Variants in ANK2 observed in about 807,000 individuals in gnomAD.
The protein encoded by ANK2 is ankyrin-2.
Under a neutral mutation model 360.5 loss-of-function variants are expected in ANK2, and 83 were observed. The ratio of observed to expected loss-of-function variants is 0.23; its 90% CI spans 0.19 to 0.28. The LOEUF is 0.28. Ranked by LOEUF, ANK2 falls within the 10% of genes least tolerant of loss-of-function variation. The pLI, the probability that ANK2 is intolerant of heterozygous loss-of-function variation, is 1.00. For synonymous variants in ANK2, 1,740 were observed against 1,759.5 expected (o/e 0.99, Z 0.28); for missense variants, 4,201 against 4,795.7 (o/e 0.88, Z 3.66).
chr4:113,064,800 TA>T (rs2075028536), intron 1 of ANK2, among the ~76,000 whole-genome samples: 1 of 92,756 alleles, frequency 1.1e-5, no homozygotes, highest in Non-Finnish European at 2.2e-5. Context: ...GAAAGTTCTG[TA>T]GAACTTCTAA....
At chr4:113,076,401 A>C (rs1038219629) in intron 1 of ANK2, among the ~76,000 whole-genome samples, 3 of 152,240 alleles carry the variant, frequency 2.0e-5, no homozygotes, top group Non-Finnish European at 2.9e-5. Context: ...GCACCAGGCT[A>C]ATACCTAAGC....
At chr4:113,006,230 C>T (rs1269285870) in intron 2 of ANK2, among the ~76,000 whole-genome samples, 1 of 152,136 alleles carries the variant, frequency 6.6e-6, no homozygotes, top group Non-Finnish European at 1.5e-5. Context: ...AACAACCTGA[C>T]TTGGTCATTA....
At chr4:113,013,147 T>C (rs72896431) in intron 2 of ANK2, among the ~76,000 whole-genome samples, 1,858 of 152,268 alleles carry the variant, frequency 0.012, 35 homozygotes, top group African/African-American at 0.042. Context: ...AGGAATCCCA[T>C]ACTTTGGAAA....
chr4:113,122,120 G>A (rs2095402987), intron 1 of ANK2, among the ~76,000 whole-genome samples: 1 of 152,062 alleles, frequency 6.6e-6, no homozygotes, highest in Non-Finnish European at 1.5e-5. Flanking sequence ...TGAGTTGAAA[G>A]TGTGTTATAA....
intron 32 of ANK2, among the ~76,000 whole-genome samples, chr4:113,341,007 T>C (rs1342433057): frequency 2.6e-5 from 4 of 152,210 alleles, no homozygotes; most frequent in African/African-American, 9.6e-5. Flanking sequence ...TGTCATAAGA[T>C]TTAGTAACGT....
At chr4:113,125,025 T>C (rs942852396) in intron 1 of ANK2, among the ~76,000 whole-genome samples, 2 of 152,138 alleles carry the variant, frequency 1.3e-5, no homozygotes, top group African/African-American at 4.8e-5. Context: ...TCTAATCAAT[T>C]TATTTGGTTA....
At chr4:112,775,538 C>CACACACACACAT in the ANK2 span, among the ~76,000 whole-genome samples, 1 of 151,626 alleles carries the variant, frequency 6.6e-6, no homozygotes, top group Admixed American at 6.6e-5. Context: ...CACACACACA[C>CACACACACACAT]ACACACAAGA....
chr4:112,788,302 G>A, the ANK2 span: 21 of 1,570,670 alleles, frequency 1.3e-5, no homozygotes, highest in Non-Finnish European at 1.6e-5. Flanking sequence ...TCTTCCTGTG[G>A]ACGAGACGTC....
intron 1 of ANK2, among the ~76,000 whole-genome samples, chr4:112,876,712 G>A (rs530644640): frequency 3.3e-5 from 5 of 152,208 alleles, no homozygotes; most frequent in Admixed American, 1.3e-4. Context: ...GTAAGGGAGC[G>A]AATTTATCCT....
intron 24 of ANK2, chr4:113,313,707 C>T (rs1426263743): frequency 6.7e-6 from 1 of 148,196 alleles, no homozygotes; most frequent in Non-Finnish European, 1.5e-5. Flanking sequence ...TAGGTATTAA[C>T]AGAGCATGGA....
rs761142483 is a variant in ANK2 at position 113,343,040 on chromosome 4, C to T, written c.4146C>T (p.Tyr1382=). The part of the protein sequence containing the change: ...DVEVLEGKPI[Y]VDCFGNLVPL... Reference sequence around the variant, plus strand: ...AGGTGTTAGAAGGAAAACCCATCTACGTTGATTGTTTCGGCAACTTGGTAC... The same window carrying T: ...AGGTGTTAGAAGGAAAACCCATCTATGTTGATTGTTTCGGCAACTTGGTAC... Residue 1382 remains tyrosine (Y), a synonymous_variant, in exon 34 of 46, where the codon TAC becomes TAT. Transcript: ENST00000357077. The T allele has an allele frequency of 2.0e-5, 33 of 1,613,810 alleles. No homozygotes were observed. The highest frequency in any genetic ancestry group is 1.8e-4 in the Admixed American group (11 of 60,006).
At chr4:113,127,552 T>C (rs1315068787) in intron 1 of ANK2, among the ~76,000 whole-genome samples, 1 of 152,000 alleles carries the variant, frequency 6.6e-6, no homozygotes, top group Non-Finnish European at 1.5e-5. Context: ...AAATAGCTGG[T>C]TGCTTTTAAG....
intron 1 of ANK2, among the ~76,000 whole-genome samples, chr4:113,153,276 T>G (rs2097160440): frequency 1.3e-5 from 2 of 152,310 alleles, no homozygotes; most frequent in East Asian, 3.9e-4. Context: ...ATATTAGAAC[T>G]AGAGCTGAAG....
At chr4:112,833,782 C>CGT (rs766504136) in intron 1 of ANK2, among the ~76,000 whole-genome samples, 6 of 152,154 alleles carry the variant, frequency 3.9e-5, no homozygotes, top group Non-Finnish European at 8.8e-5. Context: ...GGATTACAGG[C>CGT]GTGAGCCACC....
At chr4:112,726,299 A>G in the ANK2 span, among the ~76,000 whole-genome samples, 2 of 152,206 alleles carry the variant, frequency 1.3e-5, no homozygotes, top group Non-Finnish European at 2.9e-5. Flanking sequence ...GTATAAAGGC[A>G]TCCTGGTATG....
chr4:113,207,018 C>A lies in ANK2; in HGVS notation c.384+7909C>A, dbSNP rs1340763040. Among the ~76,000 whole-genome samples the A allele has an allele frequency of 2.0e-5, 3 of 151,858 alleles. No homozygotes were observed. In the East Asian group the frequency reaches 5.8e-4, roughly 29 times the overall value. On this transcript the variant is annotated intron_variant, in intron 4 of 45. Transcript: ENST00000357077. ...CAGCCTGGGCAACAGAGTGAGACTC[C>A]ATCTCAAAAAAAAATTGCCAAGAAA...
At chr4:112,996,896 GC>G (rs566084648) in intron 2 of ANK2, among the ~76,000 whole-genome samples, 332 of 151,876 alleles carry the variant, frequency 2.2e-3, no homozygotes, top group Middle Eastern at 0.01. Flanking sequence ...CCGATCCCCA[GC>G]CCCCTACTAC....
the ANK2 span, among the ~76,000 whole-genome samples, chr4:112,799,217 C>A: frequency 1.3e-5 from 2 of 152,072 alleles, no homozygotes; most frequent in East Asian, 3.9e-4. Context: ...TCTTTTTGCC[C>A]ATTGAAGGAC....
At chr4:113,049,561 G>T, upstream of ANK2, 3 of 1,332,940 alleles carry the variant, frequency 2.3e-6, no homozygotes, top group Non-Finnish European at 3.0e-6. Context: ...ATAAACAGTT[G>T]TGGCAGCTGC....
Sources: gnomAD v4.1 joint callset for allele counts (sites outside exome capture counted in the v4.1 genomes callset) on GRCh38, gnomAD v4.1.1 for gene constraint, MANE v1.5 for transcripts, NCBI Gene and HGNC (gene_info 2026-07-23, HGNC 2026-07-21) for gene names.